DENND1B: variants seen among roughly 807,000 people sequenced by gnomAD.
The protein encoded by DENND1B is DENN domain containing 1B, also known as DENN domain-containing protein 1B.
DENND1B carries 59 observed loss-of-function variants against 90.1 expected under a neutral mutation model. The observed-to-expected ratio is 0.65, with a 90% CI of 0.53 to 0.81. The LOEUF (loss-of-function observed/expected upper bound fraction) is 0.81. Among genes scored for constraint, DENND1B ranks in the 40% least tolerant of loss-of-function variants. DENND1B has a pLI of 0.00. For synonymous variants in DENND1B, 337 were observed against 324.6 expected (o/e 1.04, Z -0.41); for missense variants, 862 against 912.6 (o/e 0.94, Z 0.71).
intron 2 of DENND1B, among the ~76,000 whole-genome samples, chr1:197,737,241 G>T (rs1662783970): frequency 6.6e-6 from 1 of 152,148 alleles, no homozygotes; most frequent in African/African-American, 2.4e-5. Context: ...TGTCGAAGTG[G>T]TTGGATCTAA....
chr1:197,645,769 T>C, intron 8 of DENND1B, 26 bp from the exon 9 acceptor site: 3 of 1,471,202 alleles, frequency 2.0e-6, no homozygotes, highest in Non-Finnish European at 2.7e-6. Flanking sequence ...AAATCACATA[T>C]GAAAAAGATA....
In DENND1B at chr1:197,510,529, A is replaced by G; in HGVS notation, c.2259T>C (p.Cys753=). Residue 753 remains cysteine, a synonymous_variant, in exon 23 of 23, where the codon TGT becomes TGC. Transcript: ENST00000620048. ...IGLLHEVVSL[C]HMTSDFQQSL... is the part of the protein sequence containing the mutation. ...TTTGTTGGAAGTCAGATGTCATATG[A>G]CATAATGACACTACTTCATGGAGCA... The G allele has an allele frequency of 6.2e-7, 1 of 1,612,378 alleles. No homozygotes were observed. The highest frequency in any genetic ancestry group is 8.5e-7 in the Non-Finnish European group (1 of 1,178,994).
intron 15 of DENND1B, among the ~76,000 whole-genome samples, chr1:197,558,311 T>C (rs1671875790): frequency 9.7e-6 from 1 of 103,358 alleles, no homozygotes; most frequent in Admixed American, 1.1e-4. Flanking sequence ...ATGGATTCCA[T>C]AATTTCATAA....
intron 15 of DENND1B, among the ~76,000 whole-genome samples, chr1:197,554,710 C>T (rs184274490): frequency 8.8e-4 from 133 of 151,232 alleles, no homozygotes; most frequent in Middle Eastern, 3.4e-3. Context: ...GACGTGGTGG[C>T]GCACACCTGT....
intron 10 of DENND1B, among the ~76,000 whole-genome samples, chr1:197,634,482 A>G (rs1486127705): frequency 3.9e-5 from 6 of 152,224 alleles, no homozygotes; most frequent in Non-Finnish European, 5.9e-5. Context: ...ATTTAGGACT[A>G]TATGAAGACC....
chr1:197,667,455 CAG>C (rs1366997541), intron 5 of DENND1B, among the ~76,000 whole-genome samples: 1 of 151,788 alleles, frequency 6.6e-6, no homozygotes, highest in Non-Finnish European at 1.5e-5. Flanking sequence ...TTTTCCGAGA[CAG>C]AGTCTCTCTG....
chr1:197,592,355 A>G (rs186020715), intron 14 of DENND1B, among the ~76,000 whole-genome samples: 2 of 152,256 alleles, frequency 1.3e-5, no homozygotes, highest in Admixed American at 1.3e-4. Context: ...TAAAGGGCCT[A>G]TCAATGCCTG....
At chr1:197,648,807 C>T (rs1485487879) in intron 7 of DENND1B, among the ~76,000 whole-genome samples, 1 of 152,120 alleles carries the variant, frequency 6.6e-6, no homozygotes, top group Non-Finnish European at 1.5e-5. Flanking sequence ...TCCCTATAGC[C>T]TATTTGGGCA....
At chr1:197,670,443 C>CTGTGTGTGTGTGTGTGTG (rs60648023) in intron 5 of DENND1B, among the ~76,000 whole-genome samples, 5,229 of 99,394 alleles carry the variant, frequency 0.053, 387 homozygotes, top group East Asian at 0.078. Flanking sequence ...GGGGGGAAGA[C>CTGTGTGTGTGTGTGTGTG]TGTGTGTGTG....
intron 4 of DENND1B, among the ~76,000 whole-genome samples, chr1:197,673,545 G>T (rs1333727106): frequency 6.6e-6 from 1 of 152,008 alleles, no homozygotes; most frequent in Non-Finnish European, 1.5e-5. Flanking sequence ...TGCTCACAGG[G>T]CTGTATGTTC....
intron 13 of DENND1B, among the ~76,000 whole-genome samples, chr1:197,599,885 A>C (rs1351629898): frequency 6.6e-6 from 1 of 151,828 alleles, no homozygotes; most frequent in Non-Finnish European, 1.5e-5. Flanking sequence ...ATTTCCAATA[A>C]AATCCAAAGG....
chr1:197,699,739 A>G (rs1048517668), intron 3 of DENND1B, among the ~76,000 whole-genome samples: 2 of 152,262 alleles, frequency 1.3e-5, no homozygotes, highest in South Asian at 4.1e-4. Context: ...TCAATGTGCA[A>G]ATATCACAAA....
rs188979418 is a variant in DENND1B at position 197,658,388 on chromosome 1, A to T, written c.297-19T>A. 269 of 1,471,314 alleles carry T rather than the reference A, an allele frequency of 1.8e-4. No individual in the cohort carries two copies. The African/African-American group carries it at 3.5e-3, about 19-fold the overall frequency. The allele number at this position is 1,471,314 out of a possible 1,614,324, so 91.1% of individuals were successfully genotyped here. On this transcript the variant is annotated intron_variant, in intron 5 of 22. Coordinates refer to ENST00000620048, the MANE Select transcript of DENND1B (RefSeq NM_001195215.2). ...AAGGTAACTGTAAAATAATTATTTT[A>T]AAATGTATATACATAAAATTCAGAA...
At chr1:197,621,684 G>A (rs898182812) in intron 10 of DENND1B, among the ~76,000 whole-genome samples, 3 of 151,200 alleles carry the variant, frequency 2.0e-5, no homozygotes, top group Non-Finnish European at 4.4e-5. Context: ...TTCTAATATC[G>A]TCAGTTGCTT....
In DENND1B at chr1:197,545,970, G is replaced by A; in HGVS notation, c.1302C>T (p.Asn434=). Residue 434 remains asparagine, a synonymous_variant, in exon 18 of 23, where the codon AAC becomes AAT. Coordinates refer to ENST00000620048, the MANE Select transcript of DENND1B (RefSeq NM_001195215.2). ...CAGGGGTTGCTTTGGTCATTGCTGT[G>A]TTGAACAGTGCACCTCCTTTCTGCA... ...HTVKKGGALF[N]TAMTKATPAV... 1 of 1,606,882 alleles carries A rather than the reference G, an allele frequency of 6.2e-7. No homozygotes were observed. Among genetic ancestry groups the A allele is most frequent in the Non-Finnish European group, 8.5e-7 (1 of 1,178,322 alleles).
At chr1:197,579,869 T>C (rs1164616151) in intron 15 of DENND1B, among the ~76,000 whole-genome samples, 1 of 152,156 alleles carries the variant, frequency 6.6e-6, no homozygotes, top group African/African-American at 2.4e-5. Flanking sequence ...GCTACCTTTT[T>C]GAAATTGGCT....
intron 13 of DENND1B, among the ~76,000 whole-genome samples, chr1:197,598,525 GT>G (rs1004948690): frequency 7.9e-5 from 12 of 151,872 alleles, no homozygotes; most frequent in African/African-American, 2.9e-4. Context: ...GATGGGGTCT[GT>G]CCTGTACTTT....
chr1:197,640,428 G>T (rs536600054), intron 10 of DENND1B, among the ~76,000 whole-genome samples: 1 of 150,010 alleles, frequency 6.7e-6, no homozygotes, highest in Non-Finnish European at 1.5e-5. Flanking sequence ...AGCCAAGATT[G>T]TACCACTGCA....
rs943940895 is a variant in DENND1B at position 197,565,821 on chromosome 1, A to T, written c.1150-12709T>A. Among the ~76,000 whole-genome samples, 395 of 150,096 alleles carry T rather than the reference A, an allele frequency of 2.6e-3. 1 individual carries two copies. The highest frequency in any genetic ancestry group is 4.7e-3 in the Non-Finnish European group (315 of 67,482). ...ATGTCCCTACAAAGGACATGAACTC[A>T]TCATTTTTTATGGCTGCATAGTATT... On this transcript the variant is annotated intron_variant, in intron 15 of 22. Transcript: ENST00000620048.
Sources: gnomAD v4.1 joint callset for allele counts (sites outside exome capture counted in the v4.1 genomes callset) on GRCh38, gnomAD v4.1.1 for gene constraint, MANE v1.5 for transcripts, NCBI Gene and HGNC (gene_info 2026-07-23, HGNC 2026-07-21) for gene names.